Variants in SORCS1 observed in about 807,000 individuals in gnomAD.
The protein encoded by SORCS1 is VPS10 domain-containing receptor SorCS1.
SORCS1 carries 60 observed loss-of-function variants against 146.1 expected under a neutral mutation model. That is an observed-to-expected ratio of 0.41 (90% confidence interval 0.33 to 0.51). SORCS1 has a LOEUF of 0.51. SORCS1 is among the 20% of genes least tolerant of loss of function. The pLI is 0.21. For synonymous variants in SORCS1, 637 were observed against 584.0 expected, an observed-to-expected ratio of 1.09 and a Z score of -1.31; for missense variants, 1,352 against 1,487.6, an observed-to-expected ratio of 0.91 and a Z score of 1.50.
At chr10:106,753,418 T>C (rs1376192154) in intron 5 of SORCS1, among the ~76,000 whole-genome samples, 1 of 152,114 alleles carries the variant, frequency 6.6e-6, no homozygotes, top group Non-Finnish European at 1.5e-5. Flanking sequence ...TGACCTCGTG[T>C]GTATATAACA....
intron 20 of SORCS1, among the ~76,000 whole-genome samples, chr10:106,618,488 T>C (rs1051629753): frequency 6.6e-6 from 1 of 152,148 alleles, no homozygotes; most frequent in African/African-American, 2.4e-5. Context: ...TGCCTATTCA[T>C]TGTGAATTCC....
chr10:106,727,786 T>C (rs530567316), intron 6 of SORCS1, among the ~76,000 whole-genome samples: 6 of 152,078 alleles, frequency 3.9e-5, no homozygotes, highest in Non-Finnish European at 5.9e-5. Flanking sequence ...TTATGCTCGA[T>C]TGGTCAGGGT....
intron 4 of SORCS1, among the ~76,000 whole-genome samples, chr10:106,767,747 T>C (rs2136299020): frequency 6.6e-6 from 1 of 152,254 alleles, no homozygotes; most frequent in East Asian, 1.9e-4. Context: ...TGCCTTGGCC[T>C]CCTAAAGTGC....
intron 1 of SORCS1, among the ~76,000 whole-genome samples, chr10:107,032,299 G>T (rs1158677940): frequency 6.6e-6 from 1 of 152,196 alleles, no homozygotes; most frequent in Non-Finnish European, 1.5e-5. Context: ...CATTTATAAA[G>T]AGGCATGGCA....
In SORCS1 at chr10:107,038,380, G is replaced by A. The variant is rs561766415; in HGVS notation, c.559-81800C>T. Among the ~76,000 whole-genome samples, 669 of 144,950 alleles carry A rather than the reference G, an allele frequency of 4.6e-3. 3 individuals are homozygous for A. The highest frequency in any genetic ancestry group is 9.9e-3 in the South Asian group (43 of 4,332). On this transcript the variant is annotated intron_variant, in intron 1 of 25. Coordinates refer to ENST00000263054, the MANE Select transcript of SORCS1 (RefSeq NM_052918.5). The stretch of plus-strand genomic sequence containing the variant: ...TGTATACGGGTCCTAAAATCAGACA[G>A]AGGACTGTCGTGGGGTGGGTGGGGG...
At chr10:107,017,853 A>G (rs1365131976) in intron 1 of SORCS1, among the ~76,000 whole-genome samples, 2 of 151,794 alleles carry the variant, frequency 1.3e-5, no homozygotes, top group African/African-American at 2.4e-5. Context: ...TTTAGTAGAG[A>G]TGGTGTTTCA....
chr10:106,746,157 A>G (rs1857728051), intron 5 of SORCS1, among the ~76,000 whole-genome samples: 1 of 152,220 alleles, frequency 6.6e-6, no homozygotes. Context: ...AGGAAAAAAA[A>G]AAGCGGGGGA....
intron 5 of SORCS1, among the ~76,000 whole-genome samples, chr10:106,756,845 A>G (rs1351350974): frequency 6.6e-6 from 1 of 152,206 alleles, no homozygotes; most frequent in African/African-American, 2.4e-5. Flanking sequence ...AAAGTATTAA[A>G]GAACTGAAAC....
intron 4 of SORCS1, among the ~76,000 whole-genome samples, chr10:106,764,692 G>C (rs928066600): frequency 6.6e-6 from 1 of 152,074 alleles, no homozygotes; most frequent in East Asian, 1.9e-4. Context: ...TTTTAGGAGG[G>C]CACTATTCCT....
chr10:106,864,841 C>A (rs1950169363), intron 2 of SORCS1, among the ~76,000 whole-genome samples: 1 of 152,174 alleles, frequency 6.6e-6, no homozygotes, highest in Non-Finnish European at 1.5e-5. Context: ...ATCTCCAGAA[C>A]AGCACAACTG....
chr10:106,895,498 C>G (rs1366460729), intron 2 of SORCS1, among the ~76,000 whole-genome samples: 2 of 152,144 alleles, frequency 1.3e-5, no homozygotes, highest in Non-Finnish European at 2.9e-5. Flanking sequence ...GCAGTCCTAG[C>G]TACTTGGGAG....
intron 2 of SORCS1, among the ~76,000 whole-genome samples, chr10:106,895,951 G>GTGTATATA (rs377552647): frequency 3.3e-5 from 5 of 150,852 alleles, no homozygotes; most frequent in African/African-American, 7.3e-5. Context: ...GTGTGTGTGT[G>GTGTATATA]TATATATATA....
intron 2 of SORCS1, among the ~76,000 whole-genome samples, chr10:106,851,937 A>G (rs938746651): frequency 4.6e-5 from 7 of 151,714 alleles, no homozygotes; most frequent in East Asian, 1.9e-4. Flanking sequence ...ATTTATGTCT[A>G]TTTTCTTTTT....
chr10:106,805,860 C>T (rs1175751141), intron 3 of SORCS1, among the ~76,000 whole-genome samples: 1 of 151,200 alleles, frequency 6.6e-6, no homozygotes, highest in Non-Finnish European at 1.5e-5. Context: ...AGATCGAGAC[C>T]ATCCTGGCTA....
At chr10:106,936,242 G>A (rs901220349) in intron 2 of SORCS1, among the ~76,000 whole-genome samples, 2 of 152,206 alleles carry the variant, frequency 1.3e-5, no homozygotes, top group African/African-American at 4.8e-5. Context: ...TTTACATCCT[G>A]ACTGGTATCT....
At chr10:106,672,456 G>T (rs1403448048) in intron 15 of SORCS1, among the ~76,000 whole-genome samples, 1 of 152,052 alleles carries the variant, frequency 6.6e-6, no homozygotes, top group Admixed American at 6.6e-5. Flanking sequence ...GGATTTCTCC[G>T]GCAACACTCA....
chr10:106,604,993 A>G (rs1164179149), intron 23 of SORCS1, among the ~76,000 whole-genome samples: 1 of 152,254 alleles, frequency 6.6e-6, no homozygotes, highest in Non-Finnish European at 1.5e-5. Flanking sequence ...AAATGGACAT[A>G]ATAAATATCA....
intron 1 of SORCS1, among the ~76,000 whole-genome samples, chr10:106,975,644 T>C (rs1955960144): frequency 6.6e-6 from 1 of 152,248 alleles, no homozygotes; most frequent in Non-Finnish European, 1.5e-5. Context: ...TCAGAAACAC[T>C]GAAGGTTCCC....
At chr10:106,579,342 G>C (rs1279761962) in intron 25 of SORCS1, 27 bp downstream of exon 25, 3 of 1,613,962 alleles carry the variant, frequency 1.9e-6, no homozygotes, top group East Asian at 2.2e-5. Context: ...GTCAGGGGTG[G>C]GGGAACGTGG....
Sources: allele counts gnomAD v4.1 joint callset (sites outside exome capture counted in the v4.1 genomes callset), GRCh38; gene constraint gnomAD v4.1.1; transcripts MANE v1.5; gene names NCBI Gene and HGNC (gene_info 2026-07-23, HGNC 2026-07-21).